Variants in PPARGC1A observed in about 807,000 individuals in gnomAD.
The protein encoded by PPARGC1A is peroxisome proliferator-activated receptor gamma coactivator 1-alpha.
Under a neutral mutation model 88.7 loss-of-function variants are expected in PPARGC1A, and 25 were observed. That is an observed-to-expected ratio of 0.28 (90% CI 0.21 to 0.39). The LOEUF (loss-of-function observed/expected upper bound fraction) is 0.39, where lower values mean the gene tolerates loss of function less well. Ranked by LOEUF, PPARGC1A falls within the 10% of genes least tolerant of loss-of-function variation. The pLI is 1.00. For synonymous variants in PPARGC1A, 363 were observed against 355.6 expected, an observed-to-expected ratio of 1.02 and a Z score of -0.24; for missense variants, 880 against 968.7, an observed-to-expected ratio of 0.91 and a Z score of 1.22.
At chr4:24,101,848 G>A in the PPARGC1A span, among the ~76,000 whole-genome samples, 1 of 152,190 alleles carries the variant, frequency 6.6e-6, no homozygotes, top group African/African-American at 2.4e-5. Context: ...TACCTACTGT[G>A]TGCTAAGAAT....
chr4:23,998,382 A>G, the PPARGC1A span, among the ~76,000 whole-genome samples: 1 of 152,136 alleles, frequency 6.6e-6, no homozygotes, highest in African/African-American at 2.4e-5. Context: ...ATAAGGGAAA[A>G]TTTAATTTCA....
chr4:23,985,388 A>G, the PPARGC1A span, among the ~76,000 whole-genome samples: 1 of 151,968 alleles, frequency 6.6e-6, no homozygotes, highest in Non-Finnish European at 1.5e-5. Flanking sequence ...GCTCCTGCGG[A>G]CCAGCACTGT....
chr4:24,435,720 A>C, the PPARGC1A span, among the ~76,000 whole-genome samples: 1 of 152,208 alleles, frequency 6.6e-6, no homozygotes, highest in African/African-American at 2.4e-5. Flanking sequence ...AACGTTTACA[A>C]CCACCCCACT....
chr4:24,435,886 T>C, the PPARGC1A span, among the ~76,000 whole-genome samples: 1 of 152,156 alleles, frequency 6.6e-6, no homozygotes, highest in Non-Finnish European at 1.5e-5. Flanking sequence ...TTTCTGCAAT[T>C]TAGTTATGAC....
the PPARGC1A span, among the ~76,000 whole-genome samples, chr4:24,406,174 T>G: frequency 8.9e-4 from 135 of 152,318 alleles, no homozygotes; most frequent in African/African-American, 3.2e-3. Flanking sequence ...ATGAGGCAAT[T>G]GCTTGGTCAG....
the PPARGC1A span, among the ~76,000 whole-genome samples, chr4:24,148,158 AC>A: frequency 5.3e-5 from 8 of 152,152 alleles, no homozygotes; most frequent in African/African-American, 1.9e-4. Flanking sequence ...TTCTCCCCCC[AC>A]AAAAACACAT....
At chr4:24,300,471 A>C in the PPARGC1A span, among the ~76,000 whole-genome samples, 14 of 151,368 alleles carry the variant, frequency 9.2e-5, no homozygotes, top group Non-Finnish European at 1.8e-4. Context: ...CTGTGTAAAA[A>C]TAAGTATGTT....
the PPARGC1A span, among the ~76,000 whole-genome samples, chr4:24,459,658 T>G: frequency 2.0e-5 from 3 of 152,124 alleles, no homozygotes; most frequent in East Asian, 3.9e-4. Context: ...GGCATGGTGT[T>G]GCACACCTGT....
At chr4:24,181,908 C>G in the PPARGC1A span, among the ~76,000 whole-genome samples, 1 of 152,062 alleles carries the variant, frequency 6.6e-6, no homozygotes, top group African/African-American at 2.4e-5. Flanking sequence ...ATAAAGTTCC[C>G]TTATCCTGTG....
chr4:24,291,399 T>A, the PPARGC1A span, among the ~76,000 whole-genome samples: 1 of 152,216 alleles, frequency 6.6e-6, no homozygotes, highest in South Asian at 2.1e-4. Context: ...TGTTAAAAAG[T>A]ACTCCTTGAG....
the PPARGC1A span, among the ~76,000 whole-genome samples, chr4:24,239,224 A>T: frequency 6.6e-6 from 1 of 152,218 alleles, no homozygotes; most frequent in African/African-American, 2.4e-5. Context: ...AGGCAGGCAC[A>T]AGGAAAGTCT....
At chr4:24,215,018 G>C in the PPARGC1A span, among the ~76,000 whole-genome samples, 1 of 152,128 alleles carries the variant, frequency 6.6e-6, no homozygotes, top group South Asian at 2.1e-4. Flanking sequence ...CAGAGGTCCA[G>C]CAGAAAAAAA....
At chr4:23,912,749 C>A in the PPARGC1A span, among the ~76,000 whole-genome samples, 2 of 151,760 alleles carry the variant, frequency 1.3e-5, no homozygotes. Flanking sequence ...CCTGCCCTAC[C>A]AATTGTAGCC....
chr4:24,447,488 T>A, the PPARGC1A span, among the ~76,000 whole-genome samples: 1 of 152,158 alleles, frequency 6.6e-6, no homozygotes, highest in Non-Finnish European at 1.5e-5. Context: ...AGTCAGTGCA[T>A]AAAGGGGCTC....
At chr4:24,361,805 A>G in the PPARGC1A span, among the ~76,000 whole-genome samples, 472 of 152,358 alleles carry the variant, frequency 3.1e-3, 6 homozygotes, top group African/African-American at 0.011. Context: ...TAAAGCCTGC[A>G]TGATCAGCTA....
the PPARGC1A span, among the ~76,000 whole-genome samples, chr4:24,142,617 T>A: frequency 1.3e-5 from 2 of 151,876 alleles, no homozygotes; most frequent in Middle Eastern, 3.4e-3. Context: ...GAGGTTGTAG[T>A]GAGCAGAGAT....
chr4:24,027,780 A>C, the PPARGC1A span, among the ~76,000 whole-genome samples: 1 of 152,192 alleles, frequency 6.6e-6, no homozygotes, highest in African/African-American at 2.4e-5. Flanking sequence ...ATTATCATTA[A>C]GGTGCATTGT....
the PPARGC1A span, among the ~76,000 whole-genome samples, chr4:23,946,989 G>A: frequency 6.6e-6 from 1 of 151,972 alleles, no homozygotes; most frequent in Non-Finnish European, 1.5e-5. Flanking sequence ...CTGGCAGGTT[G>A]GTACGAAATT....
the PPARGC1A span, among the ~76,000 whole-genome samples, chr4:24,216,663 C>G: frequency 2.0e-5 from 3 of 150,672 alleles, 1 homozygote; most frequent in Admixed American, 6.7e-5. Context: ...GCCCTAGTCT[C>G]TTCCTTATTT....
Sources: allele counts gnomAD v4.1 joint callset (sites outside exome capture counted in the v4.1 genomes callset), GRCh38; gene constraint gnomAD v4.1.1; transcripts MANE v1.5; gene names NCBI Gene and HGNC (gene_info 2026-07-23, HGNC 2026-07-21).